The following PHF2 variants were observed in gnomAD, a reference collection of about 807,000 sequenced individuals.
PHF2 encodes the protein lysine-specific demethylase PHF2.
A neutral mutation model predicts 120.5 loss-of-function variants in PHF2; 27 were observed. The observed-to-expected ratio is 0.22, with a 90% CI of 0.17 to 0.31. The LOEUF (loss-of-function observed/expected upper bound fraction) is 0.31. PHF2 is among the 10% of genes least tolerant of loss of function. PHF2 has a pLI of 1.00. For synonymous variants in PHF2, 568 were observed against 592.5 expected, an observed-to-expected ratio of 0.96 and a Z score of 0.60; for missense variants, 1,024 against 1,434.8, an observed-to-expected ratio of 0.71 and a Z score of 4.63.
chr9:93,587,182 G>A (rs1427135343), intron 1 of PHF2, among the ~76,000 whole-genome samples: 2 of 152,058 alleles, frequency 1.3e-5, no homozygotes, highest in African/African-American at 2.4e-5. Context: ...GTGAGGGATG[G>A]AGGAGCCTCG....
chr9:93,637,343 T>C (rs1826109901), intron 3 of PHF2, among the ~76,000 whole-genome samples: 3 of 152,210 alleles, frequency 2.0e-5, no homozygotes, highest in African/African-American at 7.2e-5. Context: ...AGTTCACCCA[T>C]TTAAAGTGTG....
At chr9:93,675,447 G>T (rs1244527919) in intron 19 of PHF2, among the ~76,000 whole-genome samples, 1 of 152,256 alleles carries the variant, frequency 6.6e-6, no homozygotes, top group Non-Finnish European at 1.5e-5. Context: ...AGACTCTGAT[G>T]TTGCTGGGCC....
In PHF2 at chr9:93,660,196, C is replaced by T; in HGVS notation, c.1334C>T (p.Ala445Val). ...CCTCTCCTTTCTGTATCCCAGAATG[C>T]CTCCAAAGCCGTCCGACCGGAAGTG... ...LAKEIRLSEN[A>V]SKAVRPEVNT... Residue 445 changes from alanine (A) to valine (V), a missense_variant, in exon 12 of 22, where the codon GCC (alanine) becomes GTC (valine). Ala to Val is a moderately conservative substitution (Grantham distance 64). This residue lies in a region of PHF2 where 677 missense variants were observed against 857.4 expected (regional missense o/e 0.79). Transcript: ENST00000359246. 6.4e-7 allele frequency: 1 copy of T among 1,550,910 alleles called. No homozygotes were observed. Among genetic ancestry groups the T allele is most frequent in the Non-Finnish European group, 8.7e-7 (1 of 1,152,346 alleles).
chr9:93,645,913 C>T (rs1171084410), intron 4 of PHF2, 124 bp downstream of exon 4: 7 of 1,082,802 alleles, frequency 6.5e-6, no homozygotes, highest in Non-Finnish European at 8.9e-6. Flanking sequence ...AGTGGAGCCT[C>T]AAGGCTCACC....
At chr9:93,637,426 A>G (rs1253375907) in intron 3 of PHF2, among the ~76,000 whole-genome samples, 3 of 152,188 alleles carry the variant, frequency 2.0e-5, no homozygotes, top group Non-Finnish European at 4.4e-5. Flanking sequence ...ATCACCCCCA[A>G]AATAAATCCC....
intron 17 of PHF2, among the ~76,000 whole-genome samples, chr9:93,670,829 G>A (rs769952964): frequency 2.6e-5 from 4 of 152,180 alleles, no homozygotes; most frequent in Non-Finnish European, 1.5e-5. Flanking sequence ...TGGGGCAGAG[G>A]AGGAGGATGC....
intron 1 of PHF2, among the ~76,000 whole-genome samples, chr9:93,615,199 A>ATGG (rs1482061428): frequency 0.01 from 803 of 78,724 alleles, 14 homozygotes; most frequent in African/African-American, 0.036. Flanking sequence ...GATGGTGATG[A>ATGG]TGATGGTGAT....
chr9:93,583,826 C>CTTTTTTT (rs113746371), intron 1 of PHF2, among the ~76,000 whole-genome samples: 3 of 124,628 alleles, frequency 2.4e-5, no homozygotes, highest in Non-Finnish European at 5.0e-5. Flanking sequence ...TTTTTCTTTT[C>CTTTTTTT]TTTTTTTTTT....
chr9:93,624,760 G>T (rs1825883070), intron 1 of PHF2, among the ~76,000 whole-genome samples: 1 of 151,538 alleles, frequency 6.6e-6, no homozygotes. Context: ...TAATGATGAT[G>T]GTGGTTGAGG....
intron 1 of PHF2, among the ~76,000 whole-genome samples, chr9:93,626,615 T>C (rs1564386481): frequency 6.6e-6 from 1 of 152,248 alleles, no homozygotes; most frequent in Non-Finnish European, 1.5e-5. Context: ...TTTTCTTTTG[T>C]TGTTCATGCT....
intron 12 of PHF2, among the ~76,000 whole-genome samples, chr9:93,662,589 G>T: frequency 6.6e-6 from 1 of 151,664 alleles, no homozygotes; most frequent in East Asian, 1.9e-4. Flanking sequence ...AATGCATGGT[G>T]CATGGATGGA....
At position 93,677,471 on chromosome 9, in the gene PHF2, A is replaced by T. The variant is rs1266725912; in HGVS notation, c.3203-117A>T. The T allele has an allele frequency of 6.7e-6, 5 of 744,302 alleles. No individual in the cohort carries two copies. The highest frequency in any genetic ancestry group is 4.9e-5 in the East Asian group (2 of 40,634). 46.1% of individuals were successfully genotyped at this position (744,302 alleles called of 1,614,324 possible). ...GGGGCTTCATAGGCCCATTTTACAGATGGGGGACTGCAGGCTGCCCCTTAG... is the reference window on the plus strand; with the variant it reads ...GGGGCTTCATAGGCCCATTTTACAGTTGGGGGACTGCAGGCTGCCCCTTAG... On this transcript the variant is annotated intron_variant, in intron 21 of 21. Transcript: ENST00000359246. The surrounding 1 kb of genome is among the most constrained non-coding windows in gnomAD (Gnocchi z 4.4).
chr9:93,588,391 G>T (rs915059687), intron 1 of PHF2, among the ~76,000 whole-genome samples: 1 of 152,186 alleles, frequency 6.6e-6, no homozygotes, highest in Non-Finnish European at 1.5e-5. Context: ...TAGCCTGGGG[G>T]CTGTGAGAAA....
At chr9:93,608,028 A>AGAAAG (rs904675239) in intron 1 of PHF2, among the ~76,000 whole-genome samples, 5 of 151,716 alleles carry the variant, frequency 3.3e-5, no homozygotes, top group African/African-American at 9.7e-5. Flanking sequence ...GAGGAAGGAA[A>AGAAAG]GAAAGGAAAG....
chr9:93,626,844 T>C (rs1199311726), intron 1 of PHF2, among the ~76,000 whole-genome samples: 1 of 152,258 alleles, frequency 6.6e-6, no homozygotes, highest in Non-Finnish European at 1.5e-5. Flanking sequence ...TTATTCCTTC[T>C]CCATTGCATG....
In PHF2 at chr9:93,677,581, C is replaced by T. The variant is rs750993026; in HGVS notation, c.3203-7C>T. The stretch of plus-strand genomic sequence containing the variant: ...CCCTTTTTGTGTCCCCTCCCCGACT[C>T]CCCTAGGAAAACGTACGAAAAAGGG... On this transcript the variant is annotated splice_region_variant and splice_polypyrimidine_tract_variant and intron_variant, in intron 21 of 21. Transcript: ENST00000359246. The surrounding 1 kb of genome is among the most constrained non-coding windows in gnomAD (Gnocchi z 4.4). 4 of 1,612,772 alleles carry T rather than the reference C, an allele frequency of 2.5e-6. No individual in the cohort carries two copies. The highest frequency in any genetic ancestry group is 3.4e-6 in the Non-Finnish European group (4 of 1,179,232).
chr9:93,589,301 A>G, intron 1 of PHF2, among the ~76,000 whole-genome samples: 1 of 152,208 alleles, frequency 6.6e-6, no homozygotes, highest in Non-Finnish European at 1.5e-5. Context: ...GACACTGTGT[A>G]GGGAAACTGT....
chr9:93,670,059 T>C (rs549953928), intron 17 of PHF2, among the ~76,000 whole-genome samples: 15 of 152,300 alleles, frequency 9.8e-5, no homozygotes, highest in Admixed American at 9.8e-4. Context: ...TCCCAGCCCC[T>C]CTCATCTGAA....
At chr9:93,588,619 C>T (rs535589652) in intron 1 of PHF2, among the ~76,000 whole-genome samples, 90 of 152,282 alleles carry the variant, frequency 5.9e-4, no homozygotes, top group Admixed American at 5.8e-3. Flanking sequence ...GGGCTGGGCA[C>T]GGTGGCTCAC....
Sources: allele counts gnomAD v4.1 joint callset (sites outside exome capture counted in the v4.1 genomes callset), GRCh38; gene constraint gnomAD v4.1.1; regional missense constraint gnomAD v4.1.1; non-coding constraint Gnocchi (gnomAD v3.1); transcripts MANE v1.5; gene names NCBI Gene and HGNC (gene_info 2026-07-23, HGNC 2026-07-21).